The following DIABLO variants were observed in gnomAD, a reference collection of about 807,000 sequenced individuals.
DIABLO encodes the protein diablo homolog, mitochondrial.
DIABLO carries 32 observed loss-of-function variants against 31.7 expected under a neutral mutation model. The ratio of observed to expected loss-of-function variants is 1.01; its 90% CI spans 0.76 to 1.35. The LOEUF (loss-of-function observed/expected upper bound fraction) is 1.35. Ranked by LOEUF, DIABLO falls within the 40% of genes most tolerant of loss-of-function variation. The pLI, the probability that DIABLO is intolerant of heterozygous loss-of-function variation, is 0.00. For synonymous variants in DIABLO, 132 were observed against 103.2 expected (o/e 1.28, Z -1.69); for missense variants, 316 against 286.4 (o/e 1.10, Z -0.75).
rs76582402 is a variant in DIABLO at position 122,225,967 on chromosome 12, G to T, written c.48C>A (p.Phe16Leu). The T allele has an allele frequency of 7.3e-5, 117 of 1,596,404 alleles. No homozygotes were observed. The highest frequency in any genetic ancestry group is 5.3e-4 in the Middle Eastern group (3 of 5,608). The stretch of plus-strand genomic sequence containing the variant: ...CCTCTACGCGGCCGCAGCGGTACCT[G>T]AAGAATGAAGTTACGCTGCGCGACA... ...SWLSRSVTSFFRYRQCLCVPV... is the reference protein window; with the variant it reads ...SWLSRSVTSFLRYRQCLCVPV... Residue 16 changes from phenylalanine to leucine, a missense_variant and splice_region_variant, in exon 1 of 6, where the codon TTC becomes TTA. Transcript: ENST00000464942.
chr12:122,215,404 C>A (rs1490906953), intron 5 of DIABLO, among the ~76,000 whole-genome samples: 3 of 151,976 alleles, frequency 2.0e-5, no homozygotes, highest in Admixed American at 2.0e-4. Flanking sequence ...CATGGCAAAA[C>A]CCCTTCTCTA....
Position 122,208,183 on chromosome 12 carries a change from A to G in DIABLO, c.*198T>C. ...AATGTTAAACAGGGTGCAGTGCCCA[A>G]GGGCTAAGAACCAGGTCCAGCGCAA... is the stretch of plus-strand genomic sequence containing the variant. On this transcript the variant is annotated 3_prime_UTR_variant, in exon 6 of 6. Transcript: ENST00000464942. 1 of 719,616 alleles carries G rather than the reference A, an allele frequency of 1.4e-6. No individual in the cohort carries two copies. 44.6% of individuals were successfully genotyped at this position (719,616 alleles called of 1,614,324 possible).
upstream of DIABLO, chr12:122,226,240 C>G (rs559684241): frequency 1.2e-3 from 913 of 749,858 alleles, 1 homozygote; most frequent in African/African-American, 0.014. Context: ...CGGGGCGGGG[C>G]ATATGCAGGG....
intron 1 of DIABLO, chr12:122,224,904 T>A: frequency 7.7e-7 from 1 of 1,292,188 alleles, no homozygotes; most frequent in Non-Finnish European, 1.0e-6. Flanking sequence ...AGCCCAGGAG[T>A]TCACGACCAG....
At chr12:122,225,830 G>A (rs1264211665) in intron 1 of DIABLO, 135 bp downstream of exon 1, 1 of 1,512,574 alleles carries the variant, frequency 6.6e-7, no homozygotes. Context: ...CCCGACCGGA[G>A]CGAGACGCCG....
At chr12:122,210,965 C>T (rs1285168773) in intron 5 of DIABLO, among the ~76,000 whole-genome samples, 3 of 150,950 alleles carry the variant, frequency 2.0e-5, no homozygotes, top group African/African-American at 7.3e-5. Context: ...CACTTGAGTC[C>T]AGGAGGTTGA....
chr12:122,226,117 A>G, upstream of DIABLO: 1 of 1,489,658 alleles, frequency 6.7e-7, no homozygotes, highest in Non-Finnish European at 9.1e-7. Flanking sequence ...CCCCATAGCC[A>G]CGCCCCCACC....
intron 5 of DIABLO, among the ~76,000 whole-genome samples, chr12:122,211,016 C>A (rs1469655536): frequency 6.9e-6 from 1 of 145,342 alleles, no homozygotes; most frequent in Non-Finnish European, 1.5e-5. Flanking sequence ...CCACAGCATT[C>A]CCGCATGGAC....
At chr12:122,225,291 G>C in intron 1 of DIABLO, 2 of 588,710 alleles carry the variant, frequency 3.4e-6, no homozygotes, top group Non-Finnish European at 4.3e-6. Context: ...GGGAGGCTGA[G>C]GCTGAGAATC....
intron 2 of DIABLO, among the ~76,000 whole-genome samples, chr12:122,219,641 G>C (rs1206162907): frequency 6.6e-6 from 1 of 151,950 alleles, no homozygotes; most frequent in African/African-American, 2.4e-5. Context: ...TGGATCACAA[G>C]GTCAAGAGAT....
In DIABLO at chr12:122,224,607, A is replaced by G. The variant is rs141616714; in HGVS notation, c.88T>C (p.Phe30Leu). The change falls in exon 2 of 6, where the codon TTT becomes CTT. Residue 30 changes from phenylalanine to leucine, a missense_variant. Transcript: ENST00000464942. The stretch of plus-strand genomic sequence containing the variant: ...AATTCTGAGAAACACCGCTTCTTAA[A>G]GTTAGCCACAACAGGAACACACAAA... Reference protein sequence around the residue: ...QCLCVPVVANFKKRCFSELIR... With the variant: ...QCLCVPVVANLKKRCFSELIR... The G allele has an allele frequency of 1.2e-5, 19 of 1,614,012 alleles. No individual in the cohort carries two copies. The highest frequency in any genetic ancestry group is 1.4e-5 in the Non-Finnish European group (17 of 1,180,030).
At chr12:122,217,668 C>T (rs1219057563) in intron 3 of DIABLO, 1 of 157,622 alleles carries the variant, frequency 6.3e-6, no homozygotes, top group Non-Finnish European at 1.4e-5. Flanking sequence ...GCACACAACA[C>T]ACCATGCCTG....
At chr12:122,225,626 TCCC>T in intron 1 of DIABLO, 1 of 1,269,684 alleles carries the variant, frequency 7.9e-7, no homozygotes, top group Non-Finnish European at 1.0e-6. Context: ...CTTCCCGGAC[TCCC>T]CCCATGCCGT....
chr12:122,216,152 G>A (rs755641725), intron 5 of DIABLO, among the ~76,000 whole-genome samples: 14 of 152,126 alleles, frequency 9.2e-5, no homozygotes, highest in South Asian at 2.1e-4. Context: ...CTCAGCCAAC[G>A]GTGTAATTCT....
In DIABLO at chr12:122,218,326, G is replaced by A. The variant is rs879608440; in HGVS notation, c.255C>T (p.Thr85=). 14 of 1,614,022 alleles carry A rather than the reference G, an allele frequency of 8.7e-6. No individual in the cohort carries two copies. Among genetic ancestry groups the A allele is most frequent in the Non-Finnish European group, 1.2e-5 (14 of 1,180,010 alleles). The change falls in exon 3 of 6, where the codon ACC becomes ACT. Residue 85 remains threonine, a synonymous_variant. Transcript: ENST00000464942. ...ATGTGGTCTGAGAGAGAAAGGTAGAGGTGCTATCTGTTACCAAAGACACTG... is the reference window on the plus strand; with the variant it reads ...ATGTGGTCTGAGAGAGAAAGGTAGAAGTGCTATCTGTTACCAAAGACACTG... ...RRAVSLVTDS[T]STFLSQTTYA... is the part of the protein sequence containing the mutation.
At chr12:122,227,187 G>A (rs989888238), upstream of DIABLO, among the ~76,000 whole-genome samples, 1 of 152,184 alleles carries the variant, frequency 6.6e-6, no homozygotes, top group Non-Finnish European at 1.5e-5. Context: ...ACCGTGCTCT[G>A]TGCATCTGCC....
intron 3 of DIABLO, 125 bp from the exon 4 acceptor site, chr12:122,216,994 C>T: frequency 1.3e-6 from 1 of 753,418 alleles, no homozygotes; most frequent in Non-Finnish European, 2.3e-6. Flanking sequence ...CCTGCTGCCT[C>T]AATGAAATTG....
chr12:122,220,046 C>T (rs963588259), intron 2 of DIABLO, among the ~76,000 whole-genome samples: 18 of 151,072 alleles, frequency 1.2e-4, no homozygotes, highest in African/African-American at 3.9e-4. Context: ...TGGGTTCAAG[C>T]GATTCTCCTG....
chr12:122,208,959 TGACTA>T, intron 5 of DIABLO: 1 of 362,932 alleles, frequency 2.8e-6, no homozygotes, highest in Non-Finnish European at 5.3e-6. Flanking sequence ...TTCATCACCT[TGACTA>T]ATCTTTAAAG....
Sources: gnomAD v4.1 joint callset for allele counts (sites outside exome capture counted in the v4.1 genomes callset) on GRCh38, gnomAD v4.1.1 for gene constraint, MANE v1.5 for transcripts, NCBI Gene and HGNC (gene_info 2026-07-23, HGNC 2026-07-21) for gene names.